Variants in PTPRT observed in about 807,000 individuals in gnomAD.
The protein encoded by PTPRT is protein tyrosine phosphatase receptor type T.
Under a neutral mutation model 176.8 loss-of-function variants are expected in PTPRT, and 56 were observed. The ratio of observed to expected loss-of-function variants is 0.32; its 90% confidence interval spans 0.26 to 0.40. The LOEUF is 0.40. Ranked by LOEUF, PTPRT falls within the 10% of genes least tolerant of loss-of-function variation. The pLI, the probability that PTPRT is intolerant of heterozygous loss-of-function variation, is 1.00. For synonymous variants in PTPRT, 783 were observed against 739.0 expected (o/e 1.06, Z -0.96); for missense variants, 1,540 against 1,908.2 (o/e 0.81, Z 3.60).
chr20:42,405,640 C>T (rs1457343100), intron 9 of PTPRT, among the ~76,000 whole-genome samples: 1 of 152,112 alleles, frequency 6.6e-6, no homozygotes, highest in African/African-American at 2.4e-5. Context: ...GTGAATAGTG[C>T]CGCAATAAAC....
chr20:42,320,803 T>C (rs1187114792), intron 11 of PTPRT, among the ~76,000 whole-genome samples: 1 of 152,172 alleles, frequency 6.6e-6, no homozygotes. Context: ...CCTCCAGTGC[T>C]GGTCAGTTAT....
At position 43,164,939 on chromosome 20, in the gene PTPRT, C is replaced by T. The variant is rs140591473; in HGVS notation, c.88+24707G>A. On this transcript the variant is annotated intron_variant, in intron 1 of 30. Transcript: ENST00000373187. ...CCCATGGGACACAGTTTTCTGGCTC[C>T]TAGGCTAAACTCAGTCAAGTAAGCT... Among the ~76,000 whole-genome samples, 12 of 152,226 alleles carry T rather than the reference C, an allele frequency of 7.9e-5. No homozygotes were observed. In the East Asian group the frequency reaches 2.3e-3, roughly 29 times the overall value.
chr20:42,437,876 A>G (rs1043914903), intron 9 of PTPRT, among the ~76,000 whole-genome samples: 2 of 152,232 alleles, frequency 1.3e-5, no homozygotes, highest in Non-Finnish European at 2.9e-5. Context: ...AACAGAAGCG[A>G]AAGAGCCAGT....
chr20:43,180,412 A>T (rs2146480170), intron 1 of PTPRT, among the ~76,000 whole-genome samples: 1 of 144,642 alleles, frequency 6.9e-6, no homozygotes, highest in East Asian at 2.1e-4. Flanking sequence ...CCTGTCATAT[A>T]TATATAGAAA....
intron 25 of PTPRT, among the ~76,000 whole-genome samples, chr20:42,103,514 G>A (rs1986147329): frequency 6.6e-6 from 1 of 152,114 alleles, no homozygotes; most frequent in African/African-American, 2.4e-5. Context: ...TGCCCAGGCT[G>A]GAGTGCAGTG....
chr20:42,321,812 G>T (rs1009523378), intron 11 of PTPRT, among the ~76,000 whole-genome samples: 1 of 152,124 alleles, frequency 6.6e-6, no homozygotes, highest in Non-Finnish European at 1.5e-5. Flanking sequence ...GGTCGAGCGC[G>T]GTGGCTCACG....
At chr20:42,110,585 G>T in intron 22 of PTPRT, 98 bp from the exon 23 acceptor site, 2 of 1,309,492 alleles carry the variant, frequency 1.5e-6, no homozygotes, top group Non-Finnish European at 2.1e-6. Context: ...GGAACCTCCC[G>T]CAGGGACAGG....
intron 6 of PTPRT, among the ~76,000 whole-genome samples, chr20:42,706,652 T>C (rs946694699): frequency 3.9e-5 from 6 of 152,170 alleles, no homozygotes; most frequent in African/African-American, 1.4e-4. Flanking sequence ...AAAGATCTCA[T>C]TCTAGGGACT....
chr20:42,089,553 T>C (rs895728150), intron 27 of PTPRT, among the ~76,000 whole-genome samples: 3 of 152,228 alleles, frequency 2.0e-5, no homozygotes, highest in African/African-American at 7.2e-5. Flanking sequence ...AAGACTCCTA[T>C]ATTTCGGGAC....
chr20:42,200,441 A>T (rs957947024), intron 15 of PTPRT, among the ~76,000 whole-genome samples: 2 of 152,208 alleles, frequency 1.3e-5, no homozygotes, highest in Non-Finnish European at 1.5e-5. Flanking sequence ...TTGCCAGTGG[A>T]TCCAACTATA....
At chr20:42,952,492 T>C (rs1270900931) in intron 1 of PTPRT, among the ~76,000 whole-genome samples, 2 of 152,194 alleles carry the variant, frequency 1.3e-5, no homozygotes, top group Non-Finnish European at 2.9e-5. Context: ...TTCTGCCACT[T>C]ACTAGCTCCA....
At chr20:42,822,995 T>C (rs1428740866) in intron 2 of PTPRT, among the ~76,000 whole-genome samples, 3 of 152,196 alleles carry the variant, frequency 2.0e-5, no homozygotes, top group African/African-American at 7.2e-5. Context: ...CTCAAGGATC[T>C]AGAGCCAGAA....
chr20:42,628,415 T>A (rs2074337481), intron 7 of PTPRT, among the ~76,000 whole-genome samples: 1 of 152,154 alleles, frequency 6.6e-6, no homozygotes, highest in Non-Finnish European at 1.5e-5. Flanking sequence ...CAGTCCATTA[T>A]CCCTATAGCT....
chr20:42,653,154 T>A (rs1174747532), intron 7 of PTPRT, among the ~76,000 whole-genome samples: 1 of 152,144 alleles, frequency 6.6e-6, no homozygotes, highest in East Asian at 1.9e-4. Context: ...GCTGTTCTCA[T>A]GGTAGTGAGT....
intron 14 of PTPRT, among the ~76,000 whole-genome samples, chr20:42,238,109 G>A (rs892313972): frequency 2.6e-5 from 4 of 152,040 alleles, no homozygotes; most frequent in East Asian, 3.9e-4. Flanking sequence ...CATTACCCTC[G>A]TTTTATAATT....
intron 7 of PTPRT, among the ~76,000 whole-genome samples, chr20:42,499,492 A>T (rs900322555): frequency 6.6e-6 from 1 of 151,828 alleles, no homozygotes; most frequent in Non-Finnish European, 1.5e-5. Flanking sequence ...CAGTTTCACC[A>T]TGTTGGCCAG....
chr20:42,369,613 C>T (rs1482105520), intron 9 of PTPRT, among the ~76,000 whole-genome samples: 1 of 152,148 alleles, frequency 6.6e-6, no homozygotes, highest in Non-Finnish European at 1.5e-5. Context: ...CAGAGTTAGT[C>T]CCATTGCAGG....
intron 6 of PTPRT, among the ~76,000 whole-genome samples, chr20:42,748,027 GC>G (rs1427071530): frequency 1.3e-5 from 2 of 152,166 alleles, no homozygotes; most frequent in African/African-American, 2.4e-5. Context: ...GCAAACTGTG[GC>G]CAAATCCAGC....
intron 12 of PTPRT, among the ~76,000 whole-genome samples, chr20:42,312,823 T>A (rs1172568655): frequency 1.2e-4 from 11 of 90,982 alleles, no homozygotes; most frequent in Non-Finnish European, 2.7e-4. Context: ...TTTTTTTTTT[T>A]TCCTCTATGG....
Sources: gnomAD v4.1 joint callset for allele counts (sites outside exome capture counted in the v4.1 genomes callset) on GRCh38, gnomAD v4.1.1 for gene constraint, MANE v1.5 for transcripts, NCBI Gene and HGNC (gene_info 2026-07-23, HGNC 2026-07-21) for gene names.